BCAS1: variants seen among roughly 807,000 people sequenced by gnomAD.
BCAS1 encodes the protein brain enriched myelin associated protein 1.
Under a neutral mutation model 65.4 loss-of-function variants are expected in BCAS1, and 46 were observed. The observed-to-expected ratio is 0.70, with a 90% CI of 0.55 to 0.90. The LOEUF is 0.90. Among genes scored for constraint, BCAS1 ranks in the 40% least tolerant of loss-of-function variants. The pLI is 0.00. For synonymous variants in BCAS1, 298 were observed against 293.5 expected, an observed-to-expected ratio of 1.02 and a Z score of -0.16; for missense variants, 793 against 771.2, an observed-to-expected ratio of 1.03 and a Z score of -0.33.
At chr20:54,062,741 C>T (rs773466253) in intron 1 of BCAS1, among the ~76,000 whole-genome samples, 8 of 152,146 alleles carry the variant, frequency 5.3e-5, no homozygotes, top group Non-Finnish European at 1.0e-4. Flanking sequence ...AGTAGCCTCT[C>T]GGCCACTTCA....
At position 54,006,644 on chromosome 20, in the gene BCAS1, A is replaced by G. The variant is rs1377293392; in HGVS notation, c.724-10594T>C. ...AGAATTGTTTGAACCCAGGAGGTGG[A>G]GGTTGCAGTGAGCCAAGATCGCACC... On this transcript the variant is annotated intron_variant, in intron 4 of 12. Coordinates refer to ENST00000688948, the MANE Select transcript of BCAS1 (RefSeq NM_001366298.2). Among the ~76,000 whole-genome samples the G allele has an allele frequency of 2.0e-5, 3 of 150,672 alleles. 1 individual carries two copies. The East Asian group carries it at 5.8e-4, about 29-fold the overall frequency.
chr20:53,981,884 G>A (rs796810822), intron 8 of BCAS1, among the ~76,000 whole-genome samples: 15 of 152,048 alleles, frequency 9.9e-5, no homozygotes, highest in African/African-American at 3.4e-4. Context: ...TTTGATGCTA[G>A]CAAATGAATT....
At chr20:54,041,253 C>T (rs988865594) in intron 3 of BCAS1, among the ~76,000 whole-genome samples, 3 of 151,196 alleles carry the variant, frequency 2.0e-5, no homozygotes, top group African/African-American at 7.3e-5. Flanking sequence ...AGACGTGGAA[C>T]GATTGCACAC....
chr20:54,045,976 GT>G (rs1434614177), intron 3 of BCAS1, among the ~76,000 whole-genome samples: 1 of 152,142 alleles, frequency 6.6e-6, no homozygotes, highest in East Asian at 1.9e-4. Context: ...CTTGGAGGGG[GT>G]AGGGAAGATG....
At chr20:53,960,850 A>G (rs2089857966) in intron 10 of BCAS1, among the ~76,000 whole-genome samples, 1 of 152,206 alleles carries the variant, frequency 6.6e-6, no homozygotes, top group Admixed American at 6.5e-5. Context: ...TCCAGCTGTC[A>G]AAAATAGCAA....
intron 10 of BCAS1, among the ~76,000 whole-genome samples, chr20:53,964,838 C>T (rs2089984232): frequency 6.7e-6 from 1 of 148,852 alleles, no homozygotes; most frequent in African/African-American, 2.5e-5. Flanking sequence ...GTTTCTTGTA[C>T]TTTTCCCTGT....
intron 12 of BCAS1, among the ~76,000 whole-genome samples, chr20:53,948,533 C>A (rs951443423): frequency 3.9e-5 from 6 of 152,210 alleles, no homozygotes; most frequent in Non-Finnish European, 7.3e-5. Context: ...GGGCACCTGC[C>A]CTTCAGGTAG....
chr20:54,045,249 G>A (rs182345), intron 3 of BCAS1, among the ~76,000 whole-genome samples: 9,597 of 150,956 alleles, frequency 0.064, 547 homozygotes, highest in East Asian at 0.31. Flanking sequence ...AAAAACTTAC[G>A]CCCAGGTAAA....
chr20:53,981,237 C>T (rs1317644156), intron 8 of BCAS1, among the ~76,000 whole-genome samples: 1 of 152,210 alleles, frequency 6.6e-6, no homozygotes, highest in Non-Finnish European at 1.5e-5. Flanking sequence ...AAGACATTTT[C>T]TATTAAGCCC....
At chr20:53,991,163 G>C (rs2090749464) in intron 7 of BCAS1, among the ~76,000 whole-genome samples, 1 of 152,186 alleles carries the variant, frequency 6.6e-6, no homozygotes, top group Non-Finnish European at 1.5e-5. Flanking sequence ...AGCTCCAAGT[G>C]GGAGTTAAAC....
intron 8 of BCAS1, among the ~76,000 whole-genome samples, chr20:53,978,067 G>C (rs370696406): frequency 8.3e-6 from 1 of 119,972 alleles, no homozygotes; most frequent in East Asian, 2.5e-4. Flanking sequence ...AGTCCCCAGA[G>C]TGTGATGTTC....
At position 54,041,908 on chromosome 20, in the gene BCAS1, C is replaced by CAAAAAAAAAAAAAAAAAAAAAAAAAAAA. The variant is rs1391284796; in HGVS notation, c.143-12937_143-12936insTTTTTTTTTTTTTTTTTTTTTTTTTTTT. 2.2e-3 allele frequency among the ~76,000 whole-genome samples: 151 copies of CAAAAAAAAAAAAAAAAAAAAAAAAAAAA among 67,318 alleles called. 37 individuals are homozygous for CAAAAAAAAAAAAAAAAAAAAAAAAAAAA. Among genetic ancestry groups the CAAAAAAAAAAAAAAAAAAAAAAAAAAAA allele is most frequent in the South Asian group, 6.0e-3 (8 of 1,334 alleles). 44.2% of individuals were successfully genotyped at this position (67,318 alleles called of 152,430 possible). ...AGTTCAGAGTGAGACTCTGTCTCCC[C>CAAAAAAAAAAAAAAAAAAAAAAAAAAAA]CAAAAAAAAAAAAAAAAAAAAAAGA... On this transcript the variant is annotated intron_variant, in intron 3 of 12. Transcript: ENST00000688948.
intron 4 of BCAS1, among the ~76,000 whole-genome samples, chr20:54,012,417 G>C (rs74938971): frequency 0.013 from 1,897 of 147,668 alleles, 36 homozygotes; most frequent in African/African-American, 0.045. Context: ...GATAACTGTT[G>C]TATTTCTTAC....
intron 8 of BCAS1, 34 bp downstream of exon 8, chr20:53,985,253 G>T: frequency 6.2e-7 from 1 of 1,601,482 alleles, no homozygotes. Context: ...ATCCCCGCCC[G>T]GACGACTCTC....
At chr20:53,975,248 A>G in intron 9 of BCAS1, 141 bp downstream of exon 9, 1 of 625,138 alleles carries the variant, frequency 1.6e-6, no homozygotes, top group Non-Finnish European at 2.8e-6. Context: ...CCCTAATCAC[A>G]TACGGGATAA....
chr20:54,059,655 A>G (rs2092352494), intron 1 of BCAS1, among the ~76,000 whole-genome samples: 1 of 152,244 alleles, frequency 6.6e-6, no homozygotes, highest in Non-Finnish European at 1.5e-5. Context: ...TGAACATCAT[A>G]GATAGTATAG....
chr20:54,058,590 G>GTTT, intron 2 of BCAS1, 57 bp downstream of exon 2: 2 of 1,259,238 alleles, frequency 1.6e-6, no homozygotes, highest in East Asian at 3.0e-5. Flanking sequence ...AATACAGGAA[G>GTTT]TTCTTTTTTT....
chr20:54,053,513 C>T (rs564040202), intron 3 of BCAS1, among the ~76,000 whole-genome samples: 1 of 152,234 alleles, frequency 6.6e-6, no homozygotes, highest in Non-Finnish European at 1.5e-5. Context: ...CTAGTTTTAA[C>T]TTTTGATCTT....
rs573027863 is a variant in BCAS1, at chr20:54,065,704, G to A, written c.-6+4729C>T. On this transcript the variant is annotated intron_variant, in intron 1 of 12. Transcript: ENST00000688948. ...GAAAAGCACGTGAGTAAATTCGTCT[G>A]TGGTGGTGAAATAGCGCAAGCCCTC... Among the ~76,000 whole-genome samples the A allele has an allele frequency of 6.6e-5, 10 of 152,326 alleles. No individual in the cohort carries two copies. In the South Asian group the frequency reaches 1.9e-3, roughly 28 times the overall value.
Sources: gnomAD v4.1 joint callset for allele counts (sites outside exome capture counted in the v4.1 genomes callset) on GRCh38, gnomAD v4.1.1 for gene constraint, MANE v1.5 for transcripts, NCBI Gene and HGNC (gene_info 2026-07-23, HGNC 2026-07-21) for gene names.